The following CYP4F22 variants were observed in gnomAD, a reference collection of about 807,000 sequenced individuals.
CYP4F22 encodes cytochrome P450 family 4 subfamily F member 22.
Under a neutral mutation model 60.4 loss-of-function variants are expected in CYP4F22, and 37 were observed. The ratio of observed to expected loss-of-function variants is 0.61; its 90% confidence interval spans 0.47 to 0.81. The LOEUF (loss-of-function observed/expected upper bound fraction) is 0.81, where lower values mean the gene tolerates loss of function less well. CYP4F22 is among the 30% of genes least tolerant of loss of function. The pLI, the probability that CYP4F22 is intolerant of heterozygous loss-of-function variation, is 0.00. For missense variants in CYP4F22, 655 were observed against 715.0 expected (o/e 0.92, Z 0.96); for synonymous variants, 258 against 280.5 (o/e 0.92, Z 0.80).
chr19:15,513,361 ATTT>A (rs1216724764), intron 1 of CYP4F22, among the ~76,000 whole-genome samples: 12 of 121,256 alleles, frequency 9.9e-5, no homozygotes, highest in African/African-American at 2.7e-4. Context: ...ATATATATAT[ATTT>A]TTTTTTTTTT....
chr19:15,513,361 A>ATT (rs1216724764), intron 1 of CYP4F22, among the ~76,000 whole-genome samples: 8 of 121,284 alleles, frequency 6.6e-5, no homozygotes, highest in Non-Finnish European at 1.1e-4. Flanking sequence ...ATATATATAT[A>ATT]TTTTTTTTTT....
chr19:15,551,624 T>C lies in CYP4F22; in HGVS notation c.*153T>C, dbSNP rs1971598970. Reference sequence around the variant, plus strand: ...GCACCGCTGTTGAGCAGCCTGGTGGTACTGGCCACGCCCCTCAAGGCAAGG... The same window carrying C: ...GCACCGCTGTTGAGCAGCCTGGTGGCACTGGCCACGCCCCTCAAGGCAAGG... On this transcript the variant is annotated 3_prime_UTR_variant, in exon 14 of 14. Transcript: ENST00000269703. 1 of 959,046 alleles carries C rather than the reference T, an allele frequency of 1.0e-6. No homozygotes were observed. The highest frequency in any genetic ancestry group is 1.7e-5 in the South Asian group (1 of 59,428). 59.4% of individuals were successfully genotyped at this position (959,046 alleles called of 1,614,324 possible).
intron 13 of CYP4F22, 138 bp from the exon 14 acceptor site, chr19:15,551,156 C>A: frequency 1.8e-6 from 2 of 1,137,836 alleles, no homozygotes; most frequent in Non-Finnish European, 2.6e-6. Context: ...CTCACTTTAA[C>A]CCTCACCCAG....
intron 10 of CYP4F22, among the ~76,000 whole-genome samples, chr19:15,545,578 G>A (rs1971512892): frequency 6.7e-6 from 1 of 149,420 alleles, no homozygotes; most frequent in Non-Finnish European, 1.5e-5. Context: ...GAACCCAGGA[G>A]GTGGAGGCTG....
Position 15,543,985 on chromosome 19 carries a change from G to A in CYP4F22, c.954G>A (p.Lys318=). ...VLLLARDEDG[K]ELSDEDIRAE... is the part of the protein sequence containing the mutation. ...GCCCATTCCAGGATGAAGATGGAAA[G>A]GAACTGTCAGACGAGGATATCCGAG... is the stretch of plus-strand genomic sequence containing the variant. Residue 318 remains lysine, a synonymous_variant, in exon 9 of 14, where the codon AAG becomes AAA. Transcript: ENST00000269703. 1 of 1,614,146 alleles carries A rather than the reference G, an allele frequency of 6.2e-7. No individual in the cohort carries two copies. Among genetic ancestry groups the A allele is most frequent in the Non-Finnish European group, 8.5e-7 (1 of 1,180,034 alleles).
chr19:15,509,914 TTTCC>T (rs1178828724), intron 1 of CYP4F22, among the ~76,000 whole-genome samples: 1 of 133,916 alleles, frequency 7.5e-6, no homozygotes, highest in Non-Finnish European at 1.6e-5. Context: ...CCTTTCTTTC[TTTCC>T]TTCCTTCTTT....
At chr19:15,542,365 C>T (rs1434745491) in intron 8 of CYP4F22, among the ~76,000 whole-genome samples, 1 of 128,110 alleles carries the variant, frequency 7.8e-6, no homozygotes, top group Non-Finnish European at 1.7e-5. Flanking sequence ...AACACCGTCT[C>T]TACTAAAAAT....
In CYP4F22 at chr19:15,535,154, A is replaced by G. The variant is rs149468500; in HGVS notation, c.368-2207A>G. 2.0e-3 allele frequency among the ~76,000 whole-genome samples: 299 copies of G among 152,294 alleles called. 1 individual carries two copies. Among genetic ancestry groups the G allele is most frequent in the African/African-American group, 6.8e-3 (284 of 41,554 alleles). On this transcript the variant is annotated intron_variant, in intron 4 of 13. Transcript: ENST00000269703. ...TTTCCTCTTCAATGCTGCCTCCTCC[A>G]GGAAGCCTGCCCTGACTTCCAACAG...
intron 8 of CYP4F22, 73 bp from the exon 9 acceptor site, chr19:15,543,898 T>G (rs1219498296): frequency 3.3e-5 from 47 of 1,441,886 alleles, no homozygotes; most frequent in Non-Finnish European, 4.4e-5. Flanking sequence ...GGGAGATATC[T>G]GAGTTTTGAG....
At chr19:15,539,246 C>G (rs1412107710) in intron 7 of CYP4F22, among the ~76,000 whole-genome samples, 1 of 152,152 alleles carries the variant, frequency 6.6e-6, no homozygotes, top group African/African-American at 2.4e-5. Flanking sequence ...TATTTTCTAT[C>G]TCTATAGATT....
chr19:15,536,578 G>A (rs547285479), intron 4 of CYP4F22, among the ~76,000 whole-genome samples: 9 of 152,228 alleles, frequency 5.9e-5, no homozygotes, highest in South Asian at 4.2e-4. Flanking sequence ...GAGGCTGGAG[G>A]CTGGGAGCAC....
At chr19:15,537,764 T>C (rs1461925831) in intron 6 of CYP4F22, 102 bp downstream of exon 6, 1 of 1,607,822 alleles carries the variant, frequency 6.2e-7, no homozygotes, top group Non-Finnish European at 8.5e-7. Context: ...GAGCCCTCAC[T>C]GACTTTATCT....
intron 1 of CYP4F22, among the ~76,000 whole-genome samples, chr19:15,510,968 T>A (rs6512040): frequency 0.31 from 20,918 of 67,178 alleles, 1,792 homozygotes; most frequent in Non-Finnish European, 0.36. Context: ...ATATATATAT[T>A]TTTTTTTTTT....
chr19:15,543,542 T>C (rs1217269033), intron 8 of CYP4F22, among the ~76,000 whole-genome samples: 1 of 151,642 alleles, frequency 6.6e-6, no homozygotes, highest in African/African-American at 2.4e-5. Flanking sequence ...CTGGACTAGT[T>C]CCCCCCACAG....
chr19:15,547,816 C>T (rs953907760), intron 10 of CYP4F22, among the ~76,000 whole-genome samples: 2 of 148,588 alleles, frequency 1.3e-5, no homozygotes, highest in African/African-American at 5.0e-5. Flanking sequence ...GAGCGAAACT[C>T]GGTCTTAAAA....
chr19:15,524,848 G>A (rs1971263479), intron 2 of CYP4F22, among the ~76,000 whole-genome samples: 1 of 152,074 alleles, frequency 6.6e-6, no homozygotes, highest in Non-Finnish European at 1.5e-5. Flanking sequence ...AGAAGAAAAA[G>A]AAAAAGAAAG....
chr19:15,529,596 C>A, intron 3 of CYP4F22, 113 bp from the exon 4 acceptor site: 1 of 1,453,430 alleles, frequency 6.9e-7, no homozygotes, highest in Non-Finnish European at 9.5e-7. Flanking sequence ...TGCCTGAAAT[C>A]ATAATGTAGC....
At chr19:15,518,003 A>G (rs762548001) in intron 1 of CYP4F22, among the ~76,000 whole-genome samples, 3 of 152,118 alleles carry the variant, frequency 2.0e-5, no homozygotes, top group Non-Finnish European at 4.4e-5. Flanking sequence ...AGAGGCATCA[A>G]CAGGGGTAAG....
intron 10 of CYP4F22, among the ~76,000 whole-genome samples, chr19:15,547,018 GTTTTTT>G (rs71176432): frequency 2.2e-4 from 18 of 82,330 alleles, no homozygotes; most frequent in African/African-American, 4.0e-4. Flanking sequence ...GCCTGCACCA[GTTTTTT>G]TTTTTTTTTT....
Sources: allele counts gnomAD v4.1 joint callset (sites outside exome capture counted in the v4.1 genomes callset), GRCh38; gene constraint gnomAD v4.1.1; transcripts MANE v1.5; gene names NCBI Gene and HGNC (gene_info 2026-07-23, HGNC 2026-07-21).